PCDHA6: variants seen among roughly 807,000 people sequenced by gnomAD.
PCDHA6 encodes the protein protocadherin alpha-6.
Under a neutral mutation model 60.3 loss-of-function variants are expected in PCDHA6, and 55 were observed. The ratio of observed to expected loss-of-function variants is 0.91; its 90% confidence interval spans 0.73 to 1.14. PCDHA6 has a LOEUF of 1.14. PCDHA6 is among the 50% of genes most tolerant of loss of function. The pLI is 0.00. For missense variants in PCDHA6, 1,327 were observed against 1,256.5 expected, an observed-to-expected ratio of 1.06 and a Z score of -0.85; for synonymous variants, 652 against 557.9, an observed-to-expected ratio of 1.17 and a Z score of -2.38.
chr5:140,835,763 T>C (rs2150244307), intron 1 of PCDHA6: 12 of 1,613,224 alleles, frequency 7.4e-6, no homozygotes, highest in South Asian at 5.5e-5. Flanking sequence ...AGCCCGAGTA[T>C]ACGGTGTTCG....
At chr5:140,856,946 G>A (rs372611675) in intron 1 of PCDHA6, 3 of 1,593,218 alleles carry the variant, frequency 1.9e-6, no homozygotes, top group East Asian at 2.2e-5. Context: ...AAGGACGGGA[G>A]AAATAAAAGT....
chr5:140,828,888 C>T lies in PCDHA6; in HGVS notation c.797C>T (p.Ala266Val). Residue 266 changes from alanine (A) to valine (V), a missense_variant, in exon 1 of 4, where the codon GCT becomes GTT. Ala to Val is a moderately conservative substitution (Grantham distance 64). Transcript: ENST00000529310. Reference protein sequence around the residue: ...DNGTTVIRLNASDRDEGANGA... With the variant: ...DNGTTVIRLNVSDRDEGANGA... ...GGAACAACAGTTATCAGACTGAATG[C>T]TTCTGATCGGGATGAAGGAGCGAAT... The T allele has an allele frequency of 6.2e-7, 1 of 1,614,192 alleles. No homozygotes were observed. The highest frequency in any genetic ancestry group is 2.2e-5 in the East Asian group (1 of 44,888).
intron 1 of PCDHA6, among the ~76,000 whole-genome samples, chr5:140,941,194 T>TCTTTCTTC (rs781885331): frequency 0.027 from 3,012 of 112,124 alleles, 85 homozygotes; most frequent in African/African-American, 0.068. Flanking sequence ...TCTTTTTTTT[T>TCTTTCTTC]CTTTCTTCCT....
chr5:140,876,349 T>G lies in PCDHA6; in HGVS notation c.2394+45864T>G, dbSNP rs781967314. On this transcript the variant is annotated intron_variant, in intron 1 of 3. Transcript: ENST00000529310. ...TTTGCCAGTGAGTGAGAAATGTATG[T>G]TTTCAATAAATCCAGACACAGGTGA... The G allele has an allele frequency of 3.2e-5, 52 of 1,613,894 alleles. No homozygotes were observed. In the South Asian group the frequency reaches 5.1e-4, roughly 16 times the overall value.
intron 1 of PCDHA6, chr5:140,882,766 G>T: frequency 1.2e-6 from 2 of 1,614,184 alleles, no homozygotes; most frequent in South Asian, 2.2e-5. Context: ...GAGTAAACTC[G>T]GCATTGACCT....
intron 1 of PCDHA6, chr5:140,836,213 G>A (rs2150255570): frequency 1.9e-6 from 3 of 1,613,848 alleles, no homozygotes; most frequent in Non-Finnish European, 2.5e-6. Flanking sequence ...TTTCGTATGA[G>A]TTGCAACCGG....
At chr5:141,002,567 C>T (rs2098086110) in intron 3 of PCDHA6, among the ~76,000 whole-genome samples, 1 of 152,210 alleles carries the variant, frequency 6.6e-6, no homozygotes, top group Admixed American at 6.5e-5. Context: ...CAGTTAGTGA[C>T]CATGTGACCA....
chr5:140,881,300 T>C, intron 1 of PCDHA6: 3 of 957,608 alleles, frequency 3.1e-6, no homozygotes, highest in Non-Finnish European at 3.7e-6. Flanking sequence ...ATGGAAACTT[T>C]AACCTCCTGG....
At chr5:140,884,104 G>C in intron 1 of PCDHA6, 1 of 1,613,464 alleles carries the variant, frequency 6.2e-7, no homozygotes, top group African/African-American at 1.3e-5. Flanking sequence ...ATGAATTGCA[G>C]CTGGCGGCGG....
intron 1 of PCDHA6, among the ~76,000 whole-genome samples, chr5:140,939,846 T>G (rs2092473465): frequency 6.6e-6 from 1 of 152,222 alleles, no homozygotes; most frequent in Non-Finnish European, 1.5e-5. Flanking sequence ...GTTGTTGTGT[T>G]CTGTATATGT....
At chr5:140,917,941 T>C (rs1415827294) in intron 1 of PCDHA6, among the ~76,000 whole-genome samples, 1 of 152,146 alleles carries the variant, frequency 6.6e-6, no homozygotes, top group Non-Finnish European at 1.5e-5. Flanking sequence ...ATAATATTGG[T>C]AGTTTGATAG....
At chr5:140,863,858 G>A (rs2048210654) in intron 1 of PCDHA6, 1 of 177,150 alleles carries the variant, frequency 5.6e-6, no homozygotes, top group Non-Finnish European at 1.2e-5. Flanking sequence ...AAAATTAGCT[G>A]GGTGTGGTGG....
chr5:140,857,031 C>T (rs782539359), intron 1 of PCDHA6: 1 of 1,596,318 alleles, frequency 6.3e-7, no homozygotes, highest in Non-Finnish European at 8.6e-7. Flanking sequence ...GGAAACCCAC[C>T]TATGGTTGGT....
intron 1 of PCDHA6, chr5:140,968,878 T>A (rs1554231201): frequency 6.2e-7 from 1 of 1,614,244 alleles, no homozygotes; most frequent in South Asian, 1.1e-5. Flanking sequence ...ACTCTGAAAT[T>A]ACCCTTTATC....
At position 140,984,181 on chromosome 5, in the gene PCDHA6, C is replaced by T. The variant is rs995252456; in HGVS notation, c.2542+1618C>T. Among the ~76,000 whole-genome samples, 5 of 152,210 alleles carry T rather than the reference C, an allele frequency of 3.3e-5. No individual in the cohort carries two copies. In the East Asian group the frequency reaches 9.6e-4, roughly 29 times the overall value. Reference sequence around the variant, plus strand: ...ACTTCCCAAAGAAGCCACGTGAAATCATGACTTTCTACCTTGCCTTTATTT... The same window carrying T: ...ACTTCCCAAAGAAGCCACGTGAAATTATGACTTTCTACCTTGCCTTTATTT... On this transcript the variant is annotated intron_variant, in intron 3 of 3. Coordinates refer to ENST00000529310, the MANE Select transcript of PCDHA6 (RefSeq NM_018909.4).
chr5:140,927,733 C>T (rs782446148), intron 1 of PCDHA6: 7 of 1,614,198 alleles, frequency 4.3e-6, no homozygotes, highest in South Asian at 2.2e-5. Context: ...AGCAGAGCTG[C>T]GACACCGCTT....
intron 1 of PCDHA6, among the ~76,000 whole-genome samples, chr5:140,903,632 C>T (rs1554191062): frequency 6.6e-6 from 1 of 152,134 alleles, no homozygotes. Context: ...CATATGTATG[C>T]ATATACCATA....
chr5:140,883,558 G>A, intron 1 of PCDHA6: 2 of 1,614,190 alleles, frequency 1.2e-6, no homozygotes, highest in South Asian at 1.1e-5. Context: ...CGCGGGACGG[G>A]GGCTCGCCTT....
At chr5:140,906,340 C>T (rs1353616474) in intron 1 of PCDHA6, among the ~76,000 whole-genome samples, 1 of 152,138 alleles carries the variant, frequency 6.6e-6, no homozygotes, top group Non-Finnish European at 1.5e-5. Flanking sequence ...CTTCATACAA[C>T]CAAGAATGCA....
Sources: allele counts gnomAD v4.1 joint callset (sites outside exome capture counted in the v4.1 genomes callset), GRCh38; gene constraint gnomAD v4.1.1; transcripts MANE v1.5; gene names NCBI Gene and HGNC (gene_info 2026-07-23, HGNC 2026-07-21).